Variants in MALRD1 observed in about 807,000 individuals in gnomAD.
MALRD1 encodes the protein MAM and LDL-receptor class A domain-containing protein 1.
Under a neutral mutation model 242.1 loss-of-function variants are expected in MALRD1, and 247 were observed. That is an observed-to-expected ratio of 1.02 (90% CI 0.92 to 1.13). The LOEUF (loss-of-function observed/expected upper bound fraction) is 1.13, where lower values mean the gene tolerates loss of function less well. Ranked by LOEUF, MALRD1 falls within the 50% of genes most tolerant of loss-of-function variation. MALRD1 has a pLI of 0.00. For missense variants in MALRD1, 2,989 were observed against 2,533.1 expected, an observed-to-expected ratio of 1.18 and a Z score of -3.86; for synonymous variants, 995 against 866.6, an observed-to-expected ratio of 1.15 and a Z score of -2.60.
At chr10:19,520,215 A>C (rs926649828) in intron 31 of MALRD1, among the ~76,000 whole-genome samples, 1 of 152,102 alleles carries the variant, frequency 6.6e-6, no homozygotes, top group African/African-American at 2.4e-5. Flanking sequence ...AAAAGCCTGT[A>C]TTTGTAACCA....
intron 34 of MALRD1, among the ~76,000 whole-genome samples, chr10:19,596,611 G>A (rs1385740483): frequency 6.6e-6 from 1 of 151,826 alleles, no homozygotes; most frequent in Non-Finnish European, 1.5e-5. Flanking sequence ...CATGACTGTA[G>A]TTCCAGCTCC....
intron 33 of MALRD1, among the ~76,000 whole-genome samples, chr10:19,594,249 A>C (rs1837960901): frequency 6.6e-6 from 1 of 152,174 alleles, no homozygotes; most frequent in African/African-American, 2.4e-5. Context: ...TTCTTCTTTA[A>C]TTTGAAGGTG....
intron 28 of MALRD1, among the ~76,000 whole-genome samples, chr10:19,448,084 C>T (rs1368361783): frequency 6.6e-6 from 1 of 152,198 alleles, no homozygotes; most frequent in South Asian, 2.1e-4. Context: ...TCATCTACCT[C>T]AGCAGAACAA....
At chr10:19,069,280 A>T (rs1430240137) in intron 2 of MALRD1, among the ~76,000 whole-genome samples, 1 of 152,060 alleles carries the variant, frequency 6.6e-6, no homozygotes, top group Non-Finnish European at 1.5e-5. Flanking sequence ...CAATTGTTAG[A>T]TCTAAAATTC....
chr10:19,681,294 A>G (rs543534452), intron 36 of MALRD1, among the ~76,000 whole-genome samples: 3 of 152,192 alleles, frequency 2.0e-5, no homozygotes, highest in South Asian at 2.1e-4. Context: ...AGGTACCCCA[A>G]TCAGTCATGG....
intron 28 of MALRD1, among the ~76,000 whole-genome samples, chr10:19,436,644 A>G (rs1007967672): frequency 6.6e-6 from 1 of 151,724 alleles, no homozygotes; most frequent in African/African-American, 2.4e-5. Context: ...TCATTTCCCC[A>G]TTTTCCTAGG....
chr10:19,592,131 G>A (rs957703917), intron 33 of MALRD1, among the ~76,000 whole-genome samples: 1 of 152,154 alleles, frequency 6.6e-6, no homozygotes, highest in African/African-American at 2.4e-5. Context: ...TCATTTTTAT[G>A]TTTGGGGAGT....
At chr10:19,095,900 G>A (rs1836012025) in intron 4 of MALRD1, among the ~76,000 whole-genome samples, 1 of 152,148 alleles carries the variant, frequency 6.6e-6, no homozygotes. Flanking sequence ...GACGCTGAAG[G>A]ATGATCTTGC....
chr10:19,231,526 T>C (rs752697759), intron 18 of MALRD1, among the ~76,000 whole-genome samples: 20 of 152,172 alleles, frequency 1.3e-4, no homozygotes, highest in Non-Finnish European at 2.5e-4. Flanking sequence ...TGGAGATAAT[T>C]GAATCATAGG....
intron 21 of MALRD1, among the ~76,000 whole-genome samples, chr10:19,317,099 A>G (rs142367410): frequency 6.6e-6 from 1 of 151,708 alleles, no homozygotes; most frequent in East Asian, 2.0e-4. Context: ...TGCTAGTACT[A>G]TTGAACACTG....
intron 28 of MALRD1, among the ~76,000 whole-genome samples, chr10:19,425,802 T>G (rs906718517): frequency 6.6e-6 from 1 of 152,166 alleles, no homozygotes; most frequent in Admixed American, 6.5e-5. Context: ...AGGAGGACGA[T>G]TGAATTGTTA....
intron 13 of MALRD1, among the ~76,000 whole-genome samples, chr10:19,172,864 C>T (rs1051653877): frequency 3.3e-5 from 5 of 151,932 alleles, no homozygotes; most frequent in Non-Finnish European, 5.9e-5. Context: ...TGGTATTAAA[C>T]ACAATATATT....
intron 26 of MALRD1, among the ~76,000 whole-genome samples, chr10:19,385,756 T>C (rs1198100573): frequency 1.3e-5 from 2 of 152,066 alleles, no homozygotes; most frequent in Non-Finnish European, 2.9e-5. Context: ...TTATAATTAT[T>C]TTTGTTCTGC....
chr10:19,155,032 T>A, intron 11 of MALRD1, 43 bp from the exon 12 acceptor site: 1 of 1,090,558 alleles, frequency 9.2e-7, no homozygotes, highest in South Asian at 4.6e-5. Flanking sequence ...GCTAAGTGTG[T>A]AAGAGAACTT....
Position 19,327,630 on chromosome 10 carries a change from G to A in MALRD1, c.3644G>A (p.Trp1215Ter). The A allele has an allele frequency of 1.3e-6, 2 of 1,549,862 alleles. No individual in the cohort carries two copies. Among genetic ancestry groups the A allele is most frequent in the Non-Finnish European group, 1.7e-6 (2 of 1,146,388 alleles). ...CAAACTGGACAGCAAGGTGCACAGT[G>A]GAAGAGAGCAGAAGTGTTTTTAGGC... ...WAQTGQQGAQ[W>*]KRAEVFLGIR... Residue 1215 changes from tryptophan to a stop codon, truncating the protein, a stop_gained, in exon 23 of 40, where the codon TGG (tryptophan) becomes TAG (stop). Coordinates refer to ENST00000454679, the MANE Select transcript of MALRD1 (RefSeq NM_001142308.3). LOFTEE classifies it high-confidence loss of function.
intron 33 of MALRD1, among the ~76,000 whole-genome samples, chr10:19,578,320 C>T (rs1836931374): frequency 6.6e-6 from 1 of 152,152 alleles, no homozygotes; most frequent in South Asian, 2.1e-4. Context: ...GTTCAACAAA[C>T]AGTGACTGTG....
At chr10:19,116,465 C>G (rs971370481) in intron 5 of MALRD1, among the ~76,000 whole-genome samples, 1 of 152,108 alleles carries the variant, frequency 6.6e-6, no homozygotes, top group Non-Finnish European at 1.5e-5. Context: ...GTAACTGTTC[C>G]TTCCTTGAAA....
intron 38 of MALRD1, among the ~76,000 whole-genome samples, chr10:19,728,154 T>G (rs555771495): frequency 6.6e-6 from 1 of 152,296 alleles, no homozygotes; most frequent in African/African-American, 2.4e-5. Flanking sequence ...AAAACAAAAG[T>G]TGAAGTAGGA....
Position 19,408,322 on chromosome 10 carries a change from G to A in MALRD1, c.4845+18713G>A, listed in dbSNP as rs528700409. ...AGGTTTCTCAATCTTCAGTTCTATGGGCATCTGGCTTGTTGGAAAATTGGG... is the reference window on the plus strand; with the variant it reads ...AGGTTTCTCAATCTTCAGTTCTATGAGCATCTGGCTTGTTGGAAAATTGGG... On this transcript the variant is annotated intron_variant, in intron 28 of 39. Coordinates refer to ENST00000454679, the MANE Select transcript of MALRD1 (RefSeq NM_001142308.3). Among the ~76,000 whole-genome samples, 60 of 152,172 alleles carry A rather than the reference G, an allele frequency of 3.9e-4. 1 individual carries two copies. The highest frequency in any genetic ancestry group is 1.4e-3 in the African/African-American group (57 of 41,536).
Sources: gnomAD v4.1 joint callset for allele counts (sites outside exome capture counted in the v4.1 genomes callset) on GRCh38, gnomAD v4.1.1 for gene constraint, MANE v1.5 for transcripts, NCBI Gene and HGNC (gene_info 2026-07-23, HGNC 2026-07-21) for gene names.